Variants in DENND2B observed in about 807,000 individuals in gnomAD.
The protein encoded by DENND2B is DENN domain-containing protein 2B.
A neutral mutation model predicts 116.0 loss-of-function variants in DENND2B; 32 were observed. The ratio of observed to expected loss-of-function variants is 0.28; its 90% CI spans 0.21 to 0.37. The LOEUF (loss-of-function observed/expected upper bound fraction) is 0.37. Among genes scored for constraint, DENND2B ranks in the 10% least tolerant of loss-of-function variants. The probability of loss-of-function intolerance (pLI) is 1.00; values close to 1 mark genes in which losing one functional copy is unlikely to be tolerated. For synonymous variants in DENND2B, 588 were observed against 583.9 expected (o/e 1.01, Z -0.10); for missense variants, 1,276 against 1,477.7 (o/e 0.86, Z 2.24).
intron 3 of DENND2B, among the ~76,000 whole-genome samples, chr11:8,844,029 A>G (rs775082387): frequency 2.0e-5 from 3 of 152,178 alleles, no homozygotes; most frequent in African/African-American, 7.2e-5. Context: ...CCCTCCTTAC[A>G]TTTAATATTT....
rs371982959 is a variant in DENND2B at position 8,905,999 on chromosome 11, G to C, written c.-256+4822C>G. Among the ~76,000 whole-genome samples the C allele has an allele frequency of 1.5e-4, 23 of 151,302 alleles. 2 individuals are homozygous for C. The highest frequency in any genetic ancestry group is 1.1e-3 in the Admixed American group (16 of 15,152). On this transcript the variant is annotated intron_variant, in intron 1 of 22. Transcript: ENST00000534127. ...TTCATAAGACAGCAAGCAGAAGACT[G>C]GTCACCTAGGACCAGAGGCAGGAGC...
intron 2 of DENND2B, among the ~76,000 whole-genome samples, chr11:8,736,845 T>C: frequency 6.6e-6 from 1 of 152,160 alleles, no homozygotes; most frequent in South Asian, 2.1e-4. Context: ...GACTTGGGCT[T>C]ACACTCTCAA....
At position 8,710,730 on chromosome 11, in the gene DENND2B, A is replaced by C. The variant is rs1040369850; in HGVS notation, c.2352+115T>G. 7.1e-6 allele frequency: 8 copies of C among 1,127,866 alleles called. No homozygotes were observed. The Admixed American group carries it at 1.6e-4, about 22-fold the overall frequency. The allele number at this position is 1,127,866 out of a possible 1,614,324, so 69.9% of individuals were successfully genotyped here. ...CTCAGGAAGCATAACATAGGATTTC[A>C]TACAAGCTAAAATTGCAGAAGGGCA... On this transcript the variant is annotated intron_variant, in intron 11 of 19. Coordinates refer to ENST00000313726, the MANE Select transcript of DENND2B (RefSeq NM_213618.2).
chr11:8,861,289 A>G (rs1398487477), intron 2 of DENND2B, among the ~76,000 whole-genome samples: 1 of 152,224 alleles, frequency 6.6e-6, no homozygotes, highest in Non-Finnish European at 1.5e-5. Flanking sequence ...TGCATCTGAC[A>G]AACAACAAAT....
intron 1 of DENND2B, among the ~76,000 whole-genome samples, chr11:8,882,217 T>A (rs1159253773): frequency 6.6e-6 from 1 of 152,240 alleles, no homozygotes; most frequent in Non-Finnish European, 1.5e-5. Context: ...GCTTCTGGCA[T>A]CCTATGCTCC....
At chr11:8,751,326 C>T (rs910794547) in intron 1 of DENND2B, among the ~76,000 whole-genome samples, 12 of 152,284 alleles carry the variant, frequency 7.9e-5, no homozygotes, top group African/African-American at 2.4e-4. Flanking sequence ...GACCAATCGA[C>T]TCTCCGTAAA....
At chr11:8,741,398 G>T (rs562909781) in intron 2 of DENND2B, among the ~76,000 whole-genome samples, 2 of 152,248 alleles carry the variant, frequency 1.3e-5, no homozygotes, top group African/African-American at 4.8e-5. Context: ...CACTGCAGAA[G>T]CCCCCTCTGA....
chr11:8,695,401 C>T, intron 19 of DENND2B, 62 bp downstream of exon 19: 1 of 1,494,846 alleles, frequency 6.7e-7, no homozygotes, highest in Non-Finnish European at 9.3e-7. Context: ...TTCGGGAACA[C>T]AAATCTCCCA....
chr11:8,739,557 A>G (rs2049812588), intron 2 of DENND2B, among the ~76,000 whole-genome samples: 1 of 152,266 alleles, frequency 6.6e-6, no homozygotes, highest in African/African-American at 2.4e-5. Flanking sequence ...GACTGCTCTT[A>G]TCATCTCTCT....
At chr11:8,695,238 T>C (rs2040153478) in intron 19 of DENND2B, among the ~76,000 whole-genome samples, 1 of 152,176 alleles carries the variant, frequency 6.6e-6, no homozygotes, top group African/African-American at 2.4e-5. Context: ...TCCTTGGGTA[T>C]CCAGGAACCA....
chr11:8,730,600 C>T lies in DENND2B; in HGVS notation c.690G>A (p.Arg230=). 6.2e-7 allele frequency: 1 copy of T among 1,613,130 alleles called. No individual in the cohort carries two copies. The highest frequency in any genetic ancestry group is 8.5e-7 in the Non-Finnish European group (1 of 1,180,028). ...FDFKGLRRMS[R]TFSECSYPET... is the part of the protein sequence containing the mutation. ...CTGGGTAGGAACACTCGGAGAAGGT[C>T]CTGCTCATCCTCCGGAGGCCCTTGA... Residue 230 remains arginine (R), a synonymous_variant, in exon 3 of 20, where the codon AGG becomes AGA. Transcript: ENST00000313726. This position sits in a 1 kb window ranked among gnomAD's most constrained non-coding sequence, Gnocchi z 4.1.
chr11:8,889,456 C>G (rs1353186966), intron 1 of DENND2B, among the ~76,000 whole-genome samples: 1 of 152,190 alleles, frequency 6.6e-6, no homozygotes, highest in African/African-American at 2.4e-5. Context: ...ATCGCCTCAC[C>G]CGGGAAACGC....
At chr11:8,882,824 G>GA (rs2063917151) in intron 1 of DENND2B, among the ~76,000 whole-genome samples, 1 of 151,856 alleles carries the variant, frequency 6.6e-6, no homozygotes, top group South Asian at 2.1e-4. Context: ...CCTGTCTCTA[G>GA]AAAAAATACA....
intron 1 of DENND2B, chr11:8,787,212 A>G (rs963359671): frequency 2.0e-5 from 3 of 152,230 alleles, no homozygotes; most frequent in African/African-American, 7.2e-5. Context: ...CTCCTCTGAG[A>G]GGACAGGATA....
At chr11:8,806,908 C>CTTTTTTTTTTTTTTTTTTT (rs71059181) in intron 1 of DENND2B, among the ~76,000 whole-genome samples, 1 of 146,498 alleles carries the variant, frequency 6.8e-6, no homozygotes. Context: ...GCCAGATGGT[C>CTTTTTTTTTTTTTTTTTTT]TTTTTTTTTT....
intron 3 of DENND2B, among the ~76,000 whole-genome samples, chr11:8,727,246 A>G (rs746814744): frequency 1.9e-4 from 29 of 152,064 alleles, no homozygotes; most frequent in Admixed American, 1.2e-3. Flanking sequence ...TCAGCCAATA[A>G]AGCCCTTTTT....
intron 2 of DENND2B, among the ~76,000 whole-genome samples, chr11:8,858,339 C>T (rs1483886919): frequency 6.6e-6 from 1 of 151,902 alleles, no homozygotes; most frequent in African/African-American, 2.4e-5. Context: ...ACAGGAAAAA[C>T]ACAGAAATAT....
chr11:8,878,271 G>C (rs12418190), intron 2 of DENND2B, among the ~76,000 whole-genome samples: 24,564 of 152,062 alleles, frequency 0.16, 2,101 homozygotes, highest in East Asian at 0.31. Context: ...TTCCACTCCT[G>C]GGTATATACC....
intron 3 of DENND2B, among the ~76,000 whole-genome samples, chr11:8,851,078 T>A (rs1201318783): frequency 6.6e-6 from 1 of 152,028 alleles, no homozygotes; most frequent in Non-Finnish European, 1.5e-5. Flanking sequence ...TTCAGAGAGA[T>A]AGGAGGAATA....
Sources: gnomAD v4.1 joint callset for allele counts (sites outside exome capture counted in the v4.1 genomes callset) on GRCh38, gnomAD v4.1.1 for gene constraint, Gnocchi (gnomAD v3.1) non-coding constraint, MANE v1.5 for transcripts, NCBI Gene and HGNC (gene_info 2026-07-23, HGNC 2026-07-21) for gene names.